The following SDHAF3 variants were observed in gnomAD, a reference collection of about 807,000 sequenced individuals.
SDHAF3 encodes the protein succinate dehydrogenase complex assembly factor 3, also known as succinate dehydrogenase assembly factor 3, mitochondrial.
SDHAF3 carries 18 observed loss-of-function variants against 11.5 expected under a neutral mutation model. The observed-to-expected ratio is 1.56, with a 90% CI of 1.08 to 2.32. The LOEUF (loss-of-function observed/expected upper bound fraction) is 2.32, where lower values mean the gene tolerates loss of function less well. Among genes scored for constraint, SDHAF3 ranks in the 30% most tolerant of loss-of-function variants. SDHAF3 has a pLI of 0.00. For synonymous variants in SDHAF3, 72 were observed against 59.3 expected, an observed-to-expected ratio of 1.21 and a Z score of -0.99; for missense variants, 200 against 154.4, an observed-to-expected ratio of 1.30 and a Z score of -1.57.
chr7:97,133,244 C>T (rs990335740), intron 1 of SDHAF3, among the ~76,000 whole-genome samples: 4 of 152,058 alleles, frequency 2.6e-5, no homozygotes, highest in Non-Finnish European at 5.9e-5. Flanking sequence ...TAAATAAAGA[C>T]TTTATGTACA....
chr7:97,147,019 G>A (rs1316554361), intron 1 of SDHAF3, among the ~76,000 whole-genome samples: 2 of 152,148 alleles, frequency 1.3e-5, no homozygotes, highest in East Asian at 3.9e-4. Context: ...GGGATTACAG[G>A]CGTGAGCCAC....
At chr7:97,123,329 TC>T (rs1301653911) in intron 1 of SDHAF3, among the ~76,000 whole-genome samples, 1 of 152,192 alleles carries the variant, frequency 6.6e-6, no homozygotes, top group Non-Finnish European at 1.5e-5. Flanking sequence ...ATAAACTCAT[TC>T]TTTTTTATGG....
chr7:97,153,740 A>G (rs760558929), intron 1 of SDHAF3, among the ~76,000 whole-genome samples: 2 of 152,068 alleles, frequency 1.3e-5, no homozygotes, highest in East Asian at 3.9e-4. Flanking sequence ...CCAGCAGTGA[A>G]TGAGAGTTTC....
At chr7:97,177,467 A>C (rs888392206) in intron 1 of SDHAF3, among the ~76,000 whole-genome samples, 2 of 152,042 alleles carry the variant, frequency 1.3e-5, no homozygotes, top group African/African-American at 4.8e-5. Context: ...GCGCCACTGC[A>C]CTCCAGCTTG....
Position 97,143,665 on chromosome 7 carries a change from CTGTGTGTGTGTGTG to C in SDHAF3, c.174+25790_174+25803del, listed in dbSNP as rs3029495. On this transcript the variant is annotated intron_variant, in intron 1 of 1. Transcript: ENST00000432641. Reference sequence around the variant, plus strand: ...CTTTTTAGGGCTGAGTAGTGTTCCACTGTGTGTGTGTGTGTGTGTGTGTGTGTGTGTGTGTATAC... The same window carrying C: ...CTTTTTAGGGCTGAGTAGTGTTCCACTGTGTGTGTGTGTGTGTGTGTATAC... Among the ~76,000 whole-genome samples the C allele has an allele frequency of 9.0e-3, 1,330 of 148,056 alleles. 17 individuals carry two copies. Among genetic ancestry groups the C allele is most frequent in the African/African-American group, 0.032 (1,257 of 39,872 alleles).
intron 1 of SDHAF3, among the ~76,000 whole-genome samples, chr7:97,121,856 T>G (rs1245287925): frequency 2.7e-4 from 21 of 78,628 alleles, no homozygotes; most frequent in Admixed American, 1.6e-3. Flanking sequence ...TTTTTTTTGT[T>G]TTTTTTTTTT....
Position 97,181,130 on chromosome 7 carries a change from T to C in SDHAF3, c.293T>C (p.Ile98Thr). ...EKLNDFRDEQ[I>T]GQLQELMQEA... ...CTTAATGACTTTCGTGATGAACAAA[T>C]TGGACAGTTGCAGGAGCTGATGCAA... The change falls in exon 2 of 2, where the codon ATT (isoleucine) becomes ACT (threonine). Residue 98 changes from isoleucine (I) to threonine (T), a missense_variant. Coordinates refer to ENST00000432641, the MANE Select transcript of SDHAF3 (RefSeq NM_020186.3). 1 of 1,614,024 alleles carries C rather than the reference T, an allele frequency of 6.2e-7. No individual in the cohort carries two copies. The highest frequency in any genetic ancestry group is 1.7e-5 in the Admixed American group (1 of 60,012).
intron 1 of SDHAF3, among the ~76,000 whole-genome samples, chr7:97,123,422 T>A (rs1791530030): frequency 6.6e-6 from 1 of 152,174 alleles, no homozygotes; most frequent in African/African-American, 2.4e-5. Flanking sequence ...TGGTTCCAAG[T>A]CTTTGCTATT....
intron 1 of SDHAF3, among the ~76,000 whole-genome samples, chr7:97,120,343 G>C (rs751332029): frequency 2.3e-4 from 35 of 152,230 alleles, no homozygotes; most frequent in Non-Finnish European, 4.7e-4. Flanking sequence ...GACGTGGTAG[G>C]TTGGATCCTA....
intron 1 of SDHAF3, among the ~76,000 whole-genome samples, chr7:97,121,216 A>G (rs937140640): frequency 1.3e-5 from 2 of 152,200 alleles, no homozygotes. Flanking sequence ...GACTGTGCTC[A>G]TTTTTGAGGA....
chr7:97,151,275 C>T (rs1366810240), intron 1 of SDHAF3, among the ~76,000 whole-genome samples: 1 of 151,898 alleles, frequency 6.6e-6, no homozygotes, highest in Non-Finnish European at 1.5e-5. Flanking sequence ...AAATAAAAGA[C>T]TCAGAAAGGC....
At chr7:97,158,850 A>C (rs982515628) in intron 1 of SDHAF3, among the ~76,000 whole-genome samples, 5 of 152,228 alleles carry the variant, frequency 3.3e-5, no homozygotes, top group Non-Finnish European at 5.9e-5. Flanking sequence ...AAATACTTCA[A>C]CTTATAAAAA....
At chr7:97,138,245 C>G (rs10953203) in intron 1 of SDHAF3, among the ~76,000 whole-genome samples, 1 of 151,302 alleles carries the variant, frequency 6.6e-6, no homozygotes, top group Non-Finnish European at 1.5e-5. Flanking sequence ...CTGCAACGTC[C>G]GCCTCCCACG....
chr7:97,135,406 A>G (rs942898594), intron 1 of SDHAF3: 10 of 152,026 alleles, frequency 6.6e-5, no homozygotes, highest in African/African-American at 2.4e-4. Context: ...CCTTTCTTAG[A>G]CGTTGTCTCT....
intron 1 of SDHAF3, among the ~76,000 whole-genome samples, chr7:97,180,686 C>T (rs1222903611): frequency 1.3e-5 from 2 of 152,164 alleles, no homozygotes; most frequent in African/African-American, 4.8e-5. Context: ...AAATGATGTC[C>T]GTACTTGTGT....
intron 1 of SDHAF3, among the ~76,000 whole-genome samples, chr7:97,169,909 A>G (rs1302734907): frequency 3.3e-5 from 5 of 152,120 alleles, no homozygotes; most frequent in East Asian, 3.8e-4. Context: ...TGAGTTTTGT[A>G]TATTAGCTTT....
chr7:97,144,939 A>G (rs961307785), intron 1 of SDHAF3, among the ~76,000 whole-genome samples: 5 of 151,380 alleles, frequency 3.3e-5, no homozygotes, highest in Non-Finnish European at 7.4e-5. Flanking sequence ...ATCCATGTGC[A>G]TGGGGTGTGT....
intron 1 of SDHAF3, among the ~76,000 whole-genome samples, chr7:97,169,435 A>G (rs1789569624): frequency 6.6e-6 from 1 of 152,202 alleles, no homozygotes; most frequent in South Asian, 2.1e-4. Context: ...ATTTGATGTA[A>G]CTCACTTGAT....
intron 1 of SDHAF3, among the ~76,000 whole-genome samples, chr7:97,137,181 A>G (rs895323843): frequency 2.6e-5 from 4 of 152,110 alleles, no homozygotes; most frequent in Non-Finnish European, 1.5e-5. Context: ...CTAGATTTAC[A>G]TTGTCAGTCA....
Sources: allele counts gnomAD v4.1 joint callset (sites outside exome capture counted in the v4.1 genomes callset), GRCh38; gene constraint gnomAD v4.1.1; transcripts MANE v1.5; gene names NCBI Gene and HGNC (gene_info 2026-07-23, HGNC 2026-07-21).